Variants in GRAMD1B observed in about 807,000 individuals in gnomAD.
GRAMD1B encodes GRAM domain containing 1B, also known as protein Aster-B.
In GRAMD1B, 37 loss-of-function variants were observed where a neutral mutation model predicts 99.7. The observed-to-expected ratio is 0.37, with a 90% CI of 0.29 to 0.49. GRAMD1B has a LOEUF of 0.49. Ranked by LOEUF, GRAMD1B falls within the 20% of genes least tolerant of loss-of-function variation. GRAMD1B has a pLI of 0.98. For missense variants in GRAMD1B, 888 were observed against 1,009.2 expected, an observed-to-expected ratio of 0.88 and a Z score of 1.63; for synonymous variants, 427 against 387.6, an observed-to-expected ratio of 1.10 and a Z score of -1.19.
chr11:123,560,566 G>T, intron 2 of GRAMD1B: 1 of 632,570 alleles, frequency 1.6e-6, no homozygotes, highest in Admixed American at 3.2e-5. Context: ...CCCGCTCCCC[G>T]CCCCCGCCCC....
At chr11:123,574,707 A>C (rs1948528763) in intron 2 of GRAMD1B, among the ~76,000 whole-genome samples, 2 of 152,200 alleles carry the variant, frequency 1.3e-5, no homozygotes, top group Non-Finnish European at 2.9e-5. Flanking sequence ...TGGGGCACTC[A>C]TGAGACATTG....
chr11:123,431,126 T>C lies in GRAMD1B; in HGVS notation c.334T>C (p.Trp112Arg), dbSNP rs1488497499. 1 of 702,992 alleles carries C rather than the reference T, an allele frequency of 1.4e-6. No homozygotes were observed. 43.5% of individuals were successfully genotyped at this position (702,992 alleles called of 1,614,324 possible). ...PRRKRFLLRK[W>R]LRVRERKECS... The stretch of plus-strand genomic sequence containing the variant: ...CCGAAAACGCTTCCTCCTCCGCAAG[T>C]GGCTGAGGGTGAGGGAGCGGAAGGA... Residue 112 changes from tryptophan to arginine, a missense_variant, in exon 1 of 20, where the codon TGG (tryptophan) becomes CGG (arginine). Transcript: ENST00000635736.
chr11:123,601,919 G>T (rs1952032223), intron 8 of GRAMD1B, among the ~76,000 whole-genome samples: 1 of 152,192 alleles, frequency 6.6e-6, no homozygotes, highest in African/African-American at 2.4e-5. Context: ...ATCGTGGTTG[G>T]CCAAGCCAAG....
chr11:123,425,351 G>A (rs950231470), upstream of GRAMD1B, among the ~76,000 whole-genome samples: 4 of 152,138 alleles, frequency 2.6e-5, no homozygotes, highest in Admixed American at 6.5e-5. Context: ...CAGGTGGGGC[G>A]ACCTCAGAAA....
intron 2 of GRAMD1B, among the ~76,000 whole-genome samples, chr11:123,494,769 TG>T (rs1435620539): frequency 6.6e-6 from 1 of 152,154 alleles, no homozygotes; most frequent in Non-Finnish European, 1.5e-5. Flanking sequence ...TACTTCCTGC[TG>T]GGAGAAATTC....
At chr11:123,380,988 TG>T (rs1946853550) in intron 1 of GRAMD1B, among the ~76,000 whole-genome samples, 2 of 151,564 alleles carry the variant, frequency 1.3e-5, no homozygotes, top group South Asian at 4.2e-4. Flanking sequence ...TTATTTTTCA[TG>T]TTTTTTTTCT....
At chr11:123,463,560 C>T (rs543642773) in intron 1 of GRAMD1B, among the ~76,000 whole-genome samples, 4 of 152,170 alleles carry the variant, frequency 2.6e-5, no homozygotes, top group Admixed American at 2.0e-4. Context: ...TTCTCTCCAC[C>T]ACACGGGCAG....
intron 2 of GRAMD1B, among the ~76,000 whole-genome samples, chr11:123,547,914 T>G (rs1291127424): frequency 6.6e-6 from 1 of 152,170 alleles, no homozygotes; most frequent in Non-Finnish European, 1.5e-5. Flanking sequence ...CTTTATGGCC[T>G]TCACCTGCTG....
At position 123,595,948 on chromosome 11, in the gene GRAMD1B, G is replaced by A; in HGVS notation, c.880G>A (p.Val294Ile). 1.3e-6 allele frequency: 2 copies of A among 1,599,398 alleles called. No homozygotes were observed. Among genetic ancestry groups the A allele is most frequent in the Non-Finnish European group, 1.7e-6 (2 of 1,170,966 alleles). ...CTGTCCTCTTGGATGCCAGCTGACA[G>A]TCCGTTTGAAAGACATCTGTTCCAT... ...NIFRWETLLT[V>I]RLKDICSMTK... The change falls in exon 7 of 20, where the codon GTC (valine) becomes ATC (isoleucine). Residue 294 changes from valine to isoleucine, a missense_variant. By Grantham distance (29) the Val-to-Ile change is conservative (BLOSUM62 3). Around this residue, in one of 5 missense-constraint regions of GRAMD1B, gnomAD observed 62 missense variants for 139.4 expected, o/e 0.44. Transcript: ENST00000635736.
intron 2 of GRAMD1B, among the ~76,000 whole-genome samples, chr11:123,547,708 G>A (rs557896271): frequency 6.6e-6 from 1 of 152,234 alleles, no homozygotes; most frequent in African/African-American, 2.4e-5. Flanking sequence ...TTTTGCACAG[G>A]GCAGGGTTTT....
chr11:123,594,716 A>G lies in GRAMD1B; in HGVS notation c.770-19A>G. 2 of 1,322,376 alleles carry G rather than the reference A, an allele frequency of 1.5e-6. No individual in the cohort carries two copies. Among genetic ancestry groups the G allele is most frequent in the Non-Finnish European group, 2.2e-6 (2 of 913,932 alleles). The allele number at this position is 1,322,376 out of a possible 1,614,324, so 81.9% of individuals were successfully genotyped here. ...ATGCTTCCTGCCTCTGAGCTCCCCT[A>G]CCTCCGCTCCTACCACAGATTACTC... is the stretch of plus-strand genomic sequence containing the variant. On this transcript the variant is annotated intron_variant, in intron 5 of 19. Coordinates refer to ENST00000635736, the MANE Select transcript of GRAMD1B (RefSeq NM_001387025.1).
chr11:123,520,501 T>C (rs1162271702), intron 2 of GRAMD1B, among the ~76,000 whole-genome samples: 1 of 152,128 alleles, frequency 6.6e-6, no homozygotes, highest in African/African-American at 2.4e-5. Flanking sequence ...GGGGGCGCGA[T>C]GGCTCACACC....
chr11:123,602,565 C>T (rs1371905899), intron 8 of GRAMD1B, among the ~76,000 whole-genome samples: 2 of 151,794 alleles, frequency 1.3e-5, no homozygotes, highest in African/African-American at 4.8e-5. Context: ...CATGCCCTTG[C>T]CCTCCTTTCC....
At chr11:123,533,283 C>T (rs1943606243) in intron 2 of GRAMD1B, among the ~76,000 whole-genome samples, 2 of 151,576 alleles carry the variant, frequency 1.3e-5, no homozygotes, top group South Asian at 4.2e-4. Flanking sequence ...TTTATTAATT[C>T]TTAGTGCTAT....
chr11:123,527,756 C>T (rs1942946966), intron 2 of GRAMD1B, among the ~76,000 whole-genome samples: 1 of 152,186 alleles, frequency 6.6e-6, no homozygotes, highest in South Asian at 2.1e-4. Context: ...TCTCCGCATC[C>T]TTCCGCGCCC....
In GRAMD1B at chr11:123,605,474, T is replaced by C. The variant is rs1282107937; in HGVS notation, c.1319T>C (p.Val440Ala). 1.9e-6 allele frequency: 3 copies of C among 1,609,252 alleles called. No homozygotes were observed. The Admixed American group carries it at 5.0e-5, about 27-fold the overall frequency. The change falls in exon 10 of 20, where the codon GTC becomes GCC. Residue 440 changes from valine (V) to alanine (A), a missense_variant. Physicochemically the swap from Val to Ala is moderately conservative, Grantham distance 64. This residue lies in a region of GRAMD1B where 269 missense variants were observed against 296.6 expected (regional missense o/e 0.91). Coordinates refer to ENST00000635736, the MANE Select transcript of GRAMD1B (RefSeq NM_001387025.1). ...TCCACAGGGAGCAGTGAGGCCCCCG[T>C]CTCGGTATGGGCAGTCAGCCTTTGA... ...LTSTGSSEAP[V>A]SFDGLPLEEE...
In GRAMD1B at chr11:123,393,823, G is replaced by A. The variant is rs144727951; in HGVS notation, c.-176+35024G>A. Reference sequence around the variant, plus strand: ...GCTTGAACACCAGAAGGTGGGGTTTGCTGGGGCTGTCTCATGGTCTGTCTA... The same window carrying A: ...GCTTGAACACCAGAAGGTGGGGTTTACTGGGGCTGTCTCATGGTCTGTCTA... On this transcript the variant is annotated intron_variant, in intron 1 of 20. Coordinates refer to the GRAMD1B transcript ENST00000638157. Among the ~76,000 whole-genome samples the A allele has an allele frequency of 3.7e-3, 562 of 152,284 alleles. 11 individuals carry two copies. Among genetic ancestry groups the A allele is most frequent in the Admixed American group, 0.032 (486 of 15,286 alleles).
At chr11:123,536,664 A>T (rs1223771644) in intron 2 of GRAMD1B, among the ~76,000 whole-genome samples, 1 of 152,176 alleles carries the variant, frequency 6.6e-6, no homozygotes, top group African/African-American at 2.4e-5. Context: ...ACTGTTTTTC[A>T]TGCCTTAGGT....
At chr11:123,466,686 T>A (rs1456921587) in intron 1 of GRAMD1B, among the ~76,000 whole-genome samples, 5 of 152,046 alleles carry the variant, frequency 3.3e-5, no homozygotes, top group Non-Finnish European at 2.9e-5. Flanking sequence ...GAGGGGATGG[T>A]GCGTGTGTGG....
Sources: gnomAD v4.1 joint callset for allele counts (sites outside exome capture counted in the v4.1 genomes callset) on GRCh38, gnomAD v4.1.1 for gene constraint, gnomAD v4.1.1 regional missense constraint, MANE v1.5 for transcripts, NCBI Gene and HGNC (gene_info 2026-07-23, HGNC 2026-07-21) for gene names.